SYT14: variants seen among roughly 807,000 people sequenced by gnomAD.
The protein encoded by SYT14 is synaptotagmin 14.
SYT14 carries 32 observed loss-of-function variants against 74.2 expected under a neutral mutation model. That is an observed-to-expected ratio of 0.43 (90% CI 0.33 to 0.58). The LOEUF (loss-of-function observed/expected upper bound fraction) is 0.58, where lower values mean the gene tolerates loss of function less well. Among genes scored for constraint, SYT14 ranks in the 20% least tolerant of loss-of-function variants. The probability of loss-of-function intolerance (pLI) is 0.05; values close to 1 mark genes in which losing one functional copy is unlikely to be tolerated. For synonymous variants in SYT14, 298 were observed against 337.7 expected, an observed-to-expected ratio of 0.88 and a Z score of 1.29; for missense variants, 791 against 981.8, an observed-to-expected ratio of 0.81 and a Z score of 2.60.
chr1:210,074,869 C>A (rs1296149946), intron 5 of SYT14, among the ~76,000 whole-genome samples: 1 of 152,134 alleles, frequency 6.6e-6, no homozygotes, highest in Non-Finnish European at 1.5e-5. Flanking sequence ...ACAGGGTGCT[C>A]TTTTAGTTTA....
chr1:210,170,413 G>T (rs1271124725), exon 10 of SYT14: 1 of 151,926 alleles, frequency 6.6e-6, no homozygotes, highest in African/African-American at 2.4e-5. Flanking sequence ...TACACCGATT[G>T]TCTCGGTGCC....
intron 7 of SYT14, among the ~76,000 whole-genome samples, chr1:210,119,937 A>G (rs2082425928): frequency 6.6e-6 from 1 of 152,216 alleles, no homozygotes; most frequent in South Asian, 2.1e-4. Flanking sequence ...CGTCTCTGAG[A>G]TAAAACGGGT....
rs78035251 is a variant in SYT14 at position 210,002,660 on chromosome 1, T to C, written c.-485-10973T>C. 7.3e-3 allele frequency among the ~76,000 whole-genome samples: 1,105 copies of C among 152,284 alleles called. 10 individuals carry two copies. The highest frequency in any genetic ancestry group is 0.017 in the Middle Eastern group (5 of 294). ...GCCATTCTGGAATAGTGATACTGCA[T>C]TATGATGTAATTTGAAGTTTTCTGA... On this transcript the variant is annotated intron_variant, in intron 2 of 9. Coordinates refer to ENST00000637265, the Ensembl canonical transcript of SYT14.
At chr1:210,052,755 A>C (rs1212451881) in intron 5 of SYT14, among the ~76,000 whole-genome samples, 1 of 151,276 alleles carries the variant, frequency 6.6e-6, no homozygotes, top group Non-Finnish European at 1.5e-5. Context: ...CAGGCAGAAA[A>C]CATTATAAAT....
At chr1:210,029,706 T>C (rs2080487594) in intron 5 of SYT14, among the ~76,000 whole-genome samples, 1 of 152,326 alleles carries the variant, frequency 6.6e-6, no homozygotes, top group Non-Finnish European at 1.5e-5. Flanking sequence ...GTCCTCCAGC[T>C]ATGTTTCTCT....
chr1:210,005,522 T>A (rs2079973984), intron 2 of SYT14, among the ~76,000 whole-genome samples: 1 of 151,936 alleles, frequency 6.6e-6, no homozygotes, highest in South Asian at 2.1e-4. Context: ...AGCAGTGACC[T>A]TAGATATTGT....
chr1:210,045,011 G>A (rs554722273), intron 5 of SYT14, among the ~76,000 whole-genome samples: 50 of 152,006 alleles, frequency 3.3e-4, no homozygotes, highest in African/African-American at 1.1e-3. Context: ...TTCAACACTG[G>A]GAATCACTTT....
At chr1:210,141,922 C>T (rs1444390321) in intron 7 of SYT14, among the ~76,000 whole-genome samples, 4 of 152,164 alleles carry the variant, frequency 2.6e-5, no homozygotes, top group Non-Finnish European at 5.9e-5. Flanking sequence ...TCAGAGATCC[C>T]TATTAACATC....
intron 7 of SYT14, among the ~76,000 whole-genome samples, chr1:210,150,498 A>T (rs2083136612): frequency 6.6e-6 from 1 of 152,122 alleles, no homozygotes; most frequent in South Asian, 2.1e-4. Flanking sequence ...CTCCTTACCT[A>T]GTTCCCTGGG....
At chr1:209,999,862 C>T (rs1400099307) in intron 2 of SYT14, among the ~76,000 whole-genome samples, 1 of 152,078 alleles carries the variant, frequency 6.6e-6, no homozygotes, top group African/African-American at 2.4e-5. Context: ...GACTAGTTAA[C>T]AACAATATAT....
chr1:210,007,707 A>G (rs957542265), intron 2 of SYT14, among the ~76,000 whole-genome samples: 1 of 152,136 alleles, frequency 6.6e-6, no homozygotes, highest in African/African-American at 2.4e-5. Flanking sequence ...TATCTTTTAT[A>G]TGCAGGTTGG....
chr1:210,137,681 C>CTTTTT (rs397717067), intron 7 of SYT14, among the ~76,000 whole-genome samples: 2 of 135,414 alleles, frequency 1.5e-5, no homozygotes, highest in African/African-American at 2.8e-5. Flanking sequence ...CTTCAAATTT[C>CTTTTT]TTTTTTTTTT....
At chr1:210,015,707 A>G (rs936949375) in exon 4 of SYT14, 7 of 239,150 alleles carry the variant, frequency 2.9e-5, no homozygotes, top group African/African-American at 1.4e-4. Flanking sequence ...AACCAATAGT[A>G]TTTGAGGGAA....
At chr1:209,953,258 A>G in intron 2 of SYT14, 2 of 1,287,134 alleles carry the variant, frequency 1.6e-6, no homozygotes, top group Non-Finnish European at 2.0e-6. Context: ...GCCCCAGGAA[A>G]GGTAATTCAG....
chr1:210,138,165 C>T (rs1572364407), intron 7 of SYT14, among the ~76,000 whole-genome samples: 2 of 152,258 alleles, frequency 1.3e-5, no homozygotes, highest in African/African-American at 4.8e-5. Context: ...TTAATGGACT[C>T]ATAGTTCCAC....
At chr1:210,018,770 C>A (rs986910841) in intron 4 of SYT14, among the ~76,000 whole-genome samples, 3 of 152,092 alleles carry the variant, frequency 2.0e-5, no homozygotes, top group Admixed American at 2.0e-4. Flanking sequence ...CATAGATTAA[C>A]CCTTCATTTA....
chr1:210,078,126 C>T (rs979673620), intron 5 of SYT14, among the ~76,000 whole-genome samples: 13 of 151,620 alleles, frequency 8.6e-5, no homozygotes, highest in East Asian at 1.9e-4. Flanking sequence ...CTGGCTAACA[C>T]GGTGAAACCC....
At chr1:209,943,399 G>C (rs1211946935) in intron 1 of SYT14, among the ~76,000 whole-genome samples, 1 of 151,650 alleles carries the variant, frequency 6.6e-6, no homozygotes, top group Non-Finnish European at 1.5e-5. Flanking sequence ...CAGCTACTGG[G>C]GAGGCTGAGG....
intron 5 of SYT14, among the ~76,000 whole-genome samples, chr1:210,075,293 C>A (rs1558171382): frequency 6.6e-6 from 1 of 151,028 alleles, no homozygotes; most frequent in Non-Finnish European, 1.5e-5. Context: ...ATGTGTTCTT[C>A]TTGACGTCTA....
Sources: allele counts gnomAD v4.1 joint callset (sites outside exome capture counted in the v4.1 genomes callset), GRCh38; gene constraint gnomAD v4.1.1; transcripts MANE v1.5; gene names NCBI Gene and HGNC (gene_info 2026-07-23, HGNC 2026-07-21).